Variants in USP24 observed in about 807,000 individuals in gnomAD.
The protein encoded by USP24 is ubiquitin carboxyl-terminal hydrolase 24.
USP24 carries 97 observed loss-of-function variants against 361.6 expected under a neutral mutation model. The observed-to-expected ratio is 0.27, with a 90% CI of 0.23 to 0.32. The LOEUF is 0.32. USP24 is among the 10% of genes least tolerant of loss of function. The pLI is 1.00. For synonymous variants in USP24, 1,098 were observed against 1,124.6 expected (o/e 0.98, Z 0.47); for missense variants, 2,353 against 3,165.6 (o/e 0.74, Z 6.16).
chr1:55,128,682 G>A (rs1341705875), intron 32 of USP24, among the ~76,000 whole-genome samples: 2 of 145,792 alleles, frequency 1.4e-5, no homozygotes, highest in Admixed American at 6.8e-5. Context: ...CTCCTCACAA[G>A]TACTTTTTAT....
chr1:55,182,169 A>C (rs2100839605), intron 1 of USP24, among the ~76,000 whole-genome samples: 1 of 152,346 alleles, frequency 6.6e-6, no homozygotes, highest in African/African-American at 2.4e-5. Flanking sequence ...CTCCTGCCTC[A>C]GCCTCCCAAG....
At chr1:55,099,218 A>AT (rs1452383908) in intron 45 of USP24, among the ~76,000 whole-genome samples, 1 of 152,212 alleles carries the variant, frequency 6.6e-6, no homozygotes, top group African/African-American at 2.4e-5. Context: ...TGTAGTAGAG[A>AT]TTAAGAGTTA....
At chr1:55,208,231 G>A (rs372204498) in intron 1 of USP24, among the ~76,000 whole-genome samples, 9 of 152,160 alleles carry the variant, frequency 5.9e-5, no homozygotes, top group Non-Finnish European at 1.2e-4. Flanking sequence ...GTGGGAGCCA[G>A]GTTTCTCACT....
At chr1:55,101,048 C>T in intron 43 of USP24, 84 bp from the exon 44 acceptor site, 1 of 1,462,004 alleles carries the variant, frequency 6.8e-7, no homozygotes, top group Non-Finnish European at 9.1e-7. Flanking sequence ...TTAGTACCCA[C>T]ATTGCTTTTT....
intron 1 of USP24, among the ~76,000 whole-genome samples, chr1:55,180,451 C>T (rs74489248): frequency 2.5e-3 from 382 of 152,230 alleles, no homozygotes; most frequent in African/African-American, 9.1e-3. Flanking sequence ...CCCCTGAAGG[C>T]CAGAGGAGGA....
At chr1:55,125,593 T>C in intron 33 of USP24, 45 bp from the exon 34 acceptor site, 1 of 1,585,950 alleles carries the variant, frequency 6.3e-7, no homozygotes, top group Non-Finnish European at 8.6e-7. Context: ...ATTCATACTA[T>C]TTAAAAACAT....
At chr1:55,076,321 G>A (rs755941033) in intron 62 of USP24, among the ~76,000 whole-genome samples, 4 of 152,186 alleles carry the variant, frequency 2.6e-5, no homozygotes, top group Non-Finnish European at 5.9e-5. Flanking sequence ...TATCCCTAAG[G>A]AGCAATAATC....
intron 39 of USP24, among the ~76,000 whole-genome samples, chr1:55,107,904 T>C (rs1481641171): frequency 8.0e-6 from 1 of 124,570 alleles, no homozygotes; most frequent in East Asian, 2.4e-4. Context: ...TAACAAATAG[T>C]AGGTGACAGC....
chr1:55,156,971 G>A lies in USP24; in HGVS notation c.1423C>T (p.Leu475Phe). 6.2e-7 allele frequency: 1 copy of A among 1,612,724 alleles called. No individual in the cohort carries two copies. The highest frequency in any genetic ancestry group is 2.2e-5 in the East Asian group (1 of 44,796). Residue 475 changes from leucine to phenylalanine, a missense_variant, in exon 12 of 68, where the codon CTC becomes TTC. By Grantham distance (22) the Leu-to-Phe change is conservative. This residue lies in a region of USP24 where 386 missense variants were observed against 560.5 expected (regional missense o/e 0.69). Transcript: ENST00000294383. ...LLGSKLSLDE[L>F]TKIWKIQSGQ... is the part of the protein sequence containing the mutation. Reference sequence around the variant, plus strand: ...ACCTGTATCTTCCAAATTTTAGTGAGTTCATCTAACGACAATTTACTACCC... The same window carrying A: ...ACCTGTATCTTCCAAATTTTAGTGAATTCATCTAACGACAATTTACTACCC...
At chr1:55,071,407 T>C (rs1644915743) in intron 67 of USP24, 4 of 1,000,386 alleles carry the variant, frequency 4.0e-6, no homozygotes, top group Non-Finnish European at 4.8e-6. Context: ...CAAGCAGGTA[T>C]ACTTCAAGAG....
chr1:55,194,860 T>C (rs1274328492), intron 1 of USP24, among the ~76,000 whole-genome samples: 1 of 152,154 alleles, frequency 6.6e-6, no homozygotes, highest in Non-Finnish European at 1.5e-5. Context: ...AAATTTCTTC[T>C]GAATAGTCTG....
chr1:55,095,438 T>A, intron 50 of USP24, 42 bp from the exon 51 acceptor site: 2 of 1,540,468 alleles, frequency 1.3e-6, no homozygotes, highest in Non-Finnish European at 1.7e-6. Context: ...TAAATAAAAG[T>A]TTTTCTTGTC....
intron 36 of USP24, among the ~76,000 whole-genome samples, chr1:55,122,777 T>C (rs536970972): frequency 6.6e-6 from 1 of 152,296 alleles, no homozygotes; most frequent in East Asian, 1.9e-4. Context: ...TGCTTTTAAG[T>C]TGAGAAAACT....
At position 55,068,635 on chromosome 1, in the gene USP24, A is replaced by C; in HGVS notation, c.*410T>G. The C allele has an allele frequency of 5.9e-6, 1 of 170,720 alleles. No homozygotes were observed. The highest frequency in any genetic ancestry group is 2.5e-3 in the Middle Eastern group (1 of 400). The allele number at this position is 170,720 out of a possible 1,614,324, so 10.6% of individuals were successfully genotyped here. ...ACTGCAAGATTAAAAATTTGCCCCC[A>C]CATATCTAAAAGCAGCTTGCTTTTT... is the stretch of plus-strand genomic sequence containing the variant. On this transcript the variant is annotated 3_prime_UTR_variant, in exon 68 of 68. Coordinates refer to ENST00000294383, the MANE Select transcript of USP24 (RefSeq NM_015306.3).
intron 1 of USP24, among the ~76,000 whole-genome samples, chr1:55,198,923 G>C (rs1222370817): frequency 6.6e-6 from 1 of 152,162 alleles, no homozygotes; most frequent in East Asian, 1.9e-4. Flanking sequence ...AAACATAAGA[G>C]ATCTGAATTA....
intron 24 of USP24, 112 bp from the exon 25 acceptor site, chr1:55,139,122 G>A: frequency 1.0e-6 from 1 of 955,862 alleles, no homozygotes; most frequent in African/African-American, 1.7e-5. Flanking sequence ...ACTGGTCAAA[G>A]ACTGAAATTT....
chr1:55,177,257 A>G (rs1650083413), intron 2 of USP24, among the ~76,000 whole-genome samples: 1 of 152,218 alleles, frequency 6.6e-6, no homozygotes. Context: ...ATACTTGCTA[A>G]GTTAATGAAT....
At chr1:55,137,394 T>C in intron 28 of USP24, 121 bp downstream of exon 28, 2 of 1,230,792 alleles carry the variant, frequency 1.6e-6, no homozygotes, top group Non-Finnish European at 2.2e-6. Flanking sequence ...ATGGAAGAAA[T>C]AACACAACAA....
rs1385528013 is a variant in USP24 at position 55,134,129 on chromosome 1, T to C, written c.3322A>G (p.Ile1108Val). The C allele has an allele frequency of 1.2e-6, 2 of 1,613,662 alleles. No homozygotes were observed. The highest frequency in any genetic ancestry group is 2.2e-5 in the East Asian group (1 of 44,876). Reference sequence around the variant, plus strand: ...TCCTGAATGGCTGGATCAGTGGGTATCAAGAGCAGAAGCTTCCGTACTCGT... The same window carrying C: ...TCCTGAATGGCTGGATCAGTGGGTACCAAGAGCAGAAGCTTCCGTACTCGT... ...TLRVRKLLLL[I>V]PTDPAIQEAL... Residue 1108 changes from isoleucine to valine, a missense_variant, in exon 30 of 68, where the codon ATA becomes GTA. Physicochemically the swap from Ile to Val is conservative, Grantham distance 29. Coordinates refer to ENST00000294383, the MANE Select transcript of USP24 (RefSeq NM_015306.3).
Sources: gnomAD v4.1 joint callset for allele counts (sites outside exome capture counted in the v4.1 genomes callset) on GRCh38, gnomAD v4.1.1 for gene constraint, gnomAD v4.1.1 regional missense constraint, MANE v1.5 for transcripts, NCBI Gene and HGNC (gene_info 2026-07-23, HGNC 2026-07-21) for gene names.